Variants in UTP20 observed in about 807,000 individuals in gnomAD.
UTP20 encodes small subunit processome component 20 homolog.
UTP20 carries 164 observed loss-of-function variants against 329.5 expected under a neutral mutation model. That is an observed-to-expected ratio of 0.50 (90% CI 0.44 to 0.57). UTP20 has a LOEUF of 0.57. Ranked by LOEUF, UTP20 falls within the 20% of genes least tolerant of loss-of-function variation. The probability of loss-of-function intolerance (pLI) is 0.00; values close to 1 mark genes in which losing one functional copy is unlikely to be tolerated. For synonymous variants in UTP20, 1,151 were observed against 1,159.3 expected, an observed-to-expected ratio of 0.99 and a Z score of 0.14; for missense variants, 3,055 against 3,284.2, an observed-to-expected ratio of 0.93 and a Z score of 1.71.
intron 17 of UTP20, among the ~76,000 whole-genome samples, chr12:101,307,046 C>A (rs563744182): frequency 2.0e-5 from 3 of 151,658 alleles, no homozygotes; most frequent in Non-Finnish European, 4.4e-5. Context: ...GGCGTGGTGG[C>A]GGGCACCTGT....
At chr12:101,294,966 G>A (rs1872300800) in intron 11 of UTP20, among the ~76,000 whole-genome samples, 1 of 152,208 alleles carries the variant, frequency 6.6e-6, no homozygotes, top group Non-Finnish European at 1.5e-5. Context: ...TGACAAAACT[G>A]TCAGATAATT....
rs756326544 is a variant in UTP20, at chr12:101,379,472, A to T, written c.7498A>T (p.Ile2500Phe). The T allele has an allele frequency of 1.2e-6, 2 of 1,614,172 alleles. No homozygotes were observed. Among genetic ancestry groups the T allele is most frequent in the Non-Finnish European group, 1.7e-6 (2 of 1,180,020 alleles). ...TGCCTCTTGCCAGCCAGAGGAGCTT[A>T]TTCAAAAATGGAATACCAAAAAGAC... ...LFASCQPEEL[I>F]QKWNTKKTKK... Residue 2500 changes from isoleucine to phenylalanine, a missense_variant, in exon 57 of 62, where the codon ATT (isoleucine) becomes TTT (phenylalanine). This residue lies in a region of UTP20 where 337 missense variants were observed against 345.5 expected (regional missense o/e 0.98). Coordinates refer to ENST00000261637, the MANE Select transcript of UTP20 (RefSeq NM_014503.3).
chr12:101,379,689 T>C (rs905336418), intron 57 of UTP20, 131 bp downstream of exon 57: 13 of 953,910 alleles, frequency 1.4e-5, no homozygotes, highest in Admixed American at 5.7e-5. Flanking sequence ...GGTGAATCAA[T>C]AGGAATATTA....
chr12:101,373,624 CTT>C lies in UTP20; in HGVS notation c.6990_6991del (p.Cys2331SerfsTer6). ...GAACTGCGGAATGTTCTTTATCCCT[CTT>C]TGTCTAATGACGATCAATGATGACT... ...HENCGMFFIP[L>X]CLMTINDDSA... On this transcript the variant is annotated frameshift_variant, in exon 54 of 62. Coordinates refer to ENST00000261637, the MANE Select transcript of UTP20 (RefSeq NM_014503.3). LOFTEE classifies it high-confidence loss of function. The C allele has an allele frequency of 6.2e-7, 1 of 1,612,858 alleles. No individual in the cohort carries two copies. Among genetic ancestry groups the C allele is most frequent in the African/African-American group, 1.3e-5 (1 of 74,970 alleles).
At chr12:101,340,813 G>A (rs79341687) in intron 32 of UTP20, among the ~76,000 whole-genome samples, 4,627 of 152,120 alleles carry the variant, frequency 0.03, 119 homozygotes, top group South Asian at 0.061. Flanking sequence ...GCAAGAAAGC[G>A]GAGACATCGT....
Position 101,312,165 on chromosome 12 carries a change from G to A in UTP20, c.2441G>A (p.Arg814Lys), listed in dbSNP as rs143064975. Residue 814 changes from arginine (R) to lysine (K), a missense_variant, in exon 21 of 62, where the codon AGA (arginine) becomes AAA (lysine). This residue lies in a region of UTP20 where 2,445 missense variants were observed against 2,575.5 expected (regional missense o/e 0.95). Transcript: ENST00000261637. ...QLALKTDCQE[R>K]LDHTNFRFLL... is the part of the protein sequence containing the mutation. Reference sequence around the variant, plus strand: ...GCATTGAAAACTGACTGTCAGGAAAGACTTGACCACACCAACTTCAGATTC... The same window carrying A: ...GCATTGAAAACTGACTGTCAGGAAAAACTTGACCACACCAACTTCAGATTC... 4 of 1,614,076 alleles carry A rather than the reference G, an allele frequency of 2.5e-6. No individual in the cohort carries two copies. Among genetic ancestry groups the A allele is most frequent in the African/African-American group, 2.7e-5 (2 of 74,940 alleles).
chr12:101,317,446 A>C (rs764872300), intron 21 of UTP20, 32 bp from the exon 22 acceptor site: 2 of 1,608,060 alleles, frequency 1.2e-6, no homozygotes, highest in Non-Finnish European at 1.7e-6. Context: ...TGCGTTCTTC[A>C]TCAGTATCCT....
Position 101,386,059 on chromosome 12 carries a change from G to T in UTP20, c.8294G>T (p.Arg2765Leu). 2 of 1,608,116 alleles carry T rather than the reference G, an allele frequency of 1.2e-6. No individual in the cohort carries two copies. The highest frequency in any genetic ancestry group is 1.7e-6 in the Non-Finnish European group (2 of 1,179,006). Residue 2765 changes from arginine to leucine, a missense_variant, in exon 62 of 62, where the codon CGT becomes CTT. By Grantham distance (102) the Arg-to-Leu change is moderately radical. Coordinates refer to ENST00000261637, the MANE Select transcript of UTP20 (RefSeq NM_014503.3). The part of the protein sequence containing the change: ...EAKKRKIEFL[R>L]PGYKAKRQKS... ...AAGAAGAGAAAGATAGAGTTCCTGCGTCCAGGATATAAGGCCAAGAGACAA... is the reference window on the plus strand; with the variant it reads ...AAGAAGAGAAAGATAGAGTTCCTGCTTCCAGGATATAAGGCCAAGAGACAA...
intron 5 of UTP20, among the ~76,000 whole-genome samples, chr12:101,288,516 C>T (rs1407951599): frequency 6.6e-6 from 1 of 152,208 alleles, no homozygotes. Flanking sequence ...CAGATGTAAG[C>T]TAGACCTGTC....
chr12:101,383,024 C>T lies in UTP20; in HGVS notation c.7657-17C>T. 1 of 1,576,750 alleles carries T rather than the reference C, an allele frequency of 6.3e-7. No individual in the cohort carries two copies. Among genetic ancestry groups the T allele is most frequent in the Non-Finnish European group, 8.6e-7 (1 of 1,165,628 alleles). ...ATCAATGTCCAATTTCTTCCCCCAC[C>T]CCGTTTTTTTTTAAAGGTTGTTAAG... is the stretch of plus-strand genomic sequence containing the variant. On this transcript the variant is annotated splice_polypyrimidine_tract_variant and intron_variant, in intron 58 of 61. Transcript: ENST00000261637.
At chr12:101,322,854 G>C (rs1376974423) in intron 25 of UTP20, among the ~76,000 whole-genome samples, 1 of 151,908 alleles carries the variant, frequency 6.6e-6, no homozygotes, top group Non-Finnish European at 1.5e-5. Context: ...AGTTATTGGT[G>C]GATTACAGAA....
At position 101,291,862 on chromosome 12, in the gene UTP20, A is replaced by T; in HGVS notation, c.1012A>T (p.Ile338Leu). The T allele has an allele frequency of 6.2e-7, 1 of 1,613,580 alleles. No individual in the cohort carries two copies. The highest frequency in any genetic ancestry group is 1.1e-5 in the South Asian group (1 of 90,842). The change falls in exon 9 of 62, where the codon ATA (isoleucine) becomes TTA (leucine). Residue 338 changes from isoleucine (I) to leucine (L), a missense_variant. Transcript: ENST00000261637. ...TGTAAAACATGGAAGTGGGACAAAG[A>T]TACCCACGCCTGCTGATGTCTGTAA... ...ILVKHGSGTK[I>L]PTPADVCKVL...
intron 24 of UTP20, 38 bp from the exon 25 acceptor site, chr12:101,321,466 G>T: frequency 6.2e-7 from 1 of 1,607,616 alleles, no homozygotes; most frequent in South Asian, 1.1e-5. Flanking sequence ...AAGCACTGTT[G>T]ATAAAGTGGT....
intron 2 of UTP20, among the ~76,000 whole-genome samples, chr12:101,282,864 CA>C (rs1379026545): frequency 6.6e-6 from 1 of 152,010 alleles, no homozygotes; most frequent in African/African-American, 2.4e-5. Flanking sequence ...AGAAAGATTC[CA>C]GAGATGTTGA....
chr12:101,376,491 A>G (rs967762343), intron 56 of UTP20, among the ~76,000 whole-genome samples: 9 of 152,178 alleles, frequency 5.9e-5, no homozygotes, highest in Non-Finnish European at 1.3e-4. Context: ...AAACCTTTAC[A>G]GCATGTACTG....
chr12:101,289,490 G>A (rs534595450), intron 6 of UTP20, among the ~76,000 whole-genome samples: 24 of 152,140 alleles, frequency 1.6e-4, no homozygotes, highest in African/African-American at 5.8e-4. Flanking sequence ...TTTTTTCTAT[G>A]TATCTATATA....
chr12:101,385,754 C>CA (rs1870806276), intron 61 of UTP20, 26 bp downstream of exon 61: 4 of 1,602,842 alleles, frequency 2.5e-6, no homozygotes, highest in Non-Finnish European at 3.4e-6. Context: ...GAAAATATGG[C>CA]ATGTTCACTG....
intron 23 of UTP20, among the ~76,000 whole-genome samples, 167 bp downstream of exon 23, chr12:101,319,802 T>C (rs542043451): frequency 4.6e-5 from 7 of 152,300 alleles, no homozygotes; most frequent in African/African-American, 1.7e-4. Context: ...TTCTGTTATC[T>C]TGAGAAACAG....
chr12:101,312,113 G>A lies in UTP20; in HGVS notation c.2389G>A (p.Val797Ile). The change falls in exon 21 of 62, where the codon GTT (valine) becomes ATT (isoleucine). Residue 797 changes from valine to isoleucine, a missense_variant. Physicochemically the swap from Val to Ile is conservative, Grantham distance 29 (BLOSUM62 3). Around this residue, in one of 3 missense-constraint regions of UTP20, gnomAD observed 2,445 missense variants for 2,575.5 expected, o/e 0.95. Transcript: ENST00000261637. ...TTGGGAGCAGACCCAGGAAGGAGAT[G>A]TTGGAGCTCTTTATCATGAGCAGTT... ...ESWEQTQEGD[V>I]GALYHEQLAL... 2 of 1,614,248 alleles carry A rather than the reference G, an allele frequency of 1.2e-6. No homozygotes were observed. Among genetic ancestry groups the A allele is most frequent in the Non-Finnish European group, 1.7e-6 (2 of 1,180,056 alleles).
Sources: gnomAD v4.1 joint callset for allele counts (sites outside exome capture counted in the v4.1 genomes callset) on GRCh38, gnomAD v4.1.1 for gene constraint, gnomAD v4.1.1 regional missense constraint, MANE v1.5 for transcripts, NCBI Gene and HGNC (gene_info 2026-07-23, HGNC 2026-07-21) for gene names.